The following LDB2 variants were observed in gnomAD, a reference collection of about 807,000 sequenced individuals.
LDB2 encodes LIM domain-binding protein 2.
In LDB2, 12 loss-of-function variants were observed where a neutral mutation model predicts 44.3. The ratio of observed to expected loss-of-function variants is 0.27; its 90% CI spans 0.17 to 0.44. LDB2 has a LOEUF of 0.44. Among genes scored for constraint, LDB2 ranks in the 20% least tolerant of loss-of-function variants. The pLI, the probability that LDB2 is intolerant of heterozygous loss-of-function variation, is 1.00. For missense variants in LDB2, 344 were observed against 473.5 expected, an observed-to-expected ratio of 0.73 and a Z score of 2.54; for synonymous variants, 164 against 174.8, an observed-to-expected ratio of 0.94 and a Z score of 0.49.
chr4:16,682,644 A>G lies in LDB2; in HGVS notation c.235+76514T>C, dbSNP rs549731813. 2.6e-5 allele frequency among the ~76,000 whole-genome samples: 4 copies of G among 152,306 alleles called. No homozygotes were observed. The East Asian group carries it at 7.7e-4, about 29-fold the overall frequency. On this transcript the variant is annotated intron_variant, in intron 2 of 7. Transcript: ENST00000304523. ...TTAATTTCAGAGCCCTGGTATGCTC[A>G]GCTTAGCACCTCCCTTCTTCGTTCC...
chr4:16,734,853 C>T (rs550286367), intron 2 of LDB2, among the ~76,000 whole-genome samples: 3 of 152,016 alleles, frequency 2.0e-5, no homozygotes, highest in East Asian at 1.9e-4. Flanking sequence ...GGACAACAGG[C>T]GCCCACCACC....
chr4:16,697,656 CTCT>C (rs1752491654), intron 2 of LDB2, among the ~76,000 whole-genome samples: 1 of 152,104 alleles, frequency 6.6e-6, no homozygotes. Flanking sequence ...TGCCTCAGCC[CTCT>C]TCTTCTAATC....
chr4:16,795,526 G>A (rs1260792637), intron 1 of LDB2, among the ~76,000 whole-genome samples: 1 of 152,120 alleles, frequency 6.6e-6, no homozygotes, highest in Non-Finnish European at 1.5e-5. Context: ...AAAGGAGAGA[G>A]ATACTTCCTT....
At chr4:16,734,910 T>C (rs948058427) in intron 2 of LDB2, among the ~76,000 whole-genome samples, 2 of 151,980 alleles carry the variant, frequency 1.3e-5, no homozygotes, top group Non-Finnish European at 2.9e-5. Flanking sequence ...GGTTTCACTA[T>C]GTTGGCCAGG....
chr4:16,766,499 T>G (rs1222059408), intron 1 of LDB2, among the ~76,000 whole-genome samples: 1 of 100,624 alleles, frequency 9.9e-6, no homozygotes, highest in African/African-American at 3.8e-5. Flanking sequence ...TGTGTGTGTG[T>G]GTGTGTATAT....
intron 1 of LDB2, among the ~76,000 whole-genome samples, chr4:16,888,213 C>G (rs1262915862): frequency 6.6e-6 from 1 of 152,168 alleles, no homozygotes; most frequent in Non-Finnish European, 1.5e-5. Flanking sequence ...TGTGTGCTCT[C>G]CAGCCCTCTC....
At chr4:16,503,341 C>G (rs73115973) in intron 7 of LDB2, among the ~76,000 whole-genome samples, 1 of 152,118 alleles carries the variant, frequency 6.6e-6, no homozygotes, top group Non-Finnish European at 1.5e-5. Flanking sequence ...CTGCAATATT[C>G]ACACAACTCA....
intron 5 of LDB2, among the ~76,000 whole-genome samples, chr4:16,557,092 C>G (rs1374182774): frequency 6.6e-6 from 1 of 152,120 alleles, no homozygotes; most frequent in Non-Finnish European, 1.5e-5. Flanking sequence ...TATAGGAGGA[C>G]AGCCAAGATG....
rs56188045 is a variant in LDB2 at position 16,739,714 on chromosome 4, G to A, written c.235+19444C>T. On this transcript the variant is annotated intron_variant, in intron 2 of 7. Transcript: ENST00000304523. ...TATATATACATATATGTGTATATAT[G>A]TATATATACATATATGTGTATATAC... Among the ~76,000 whole-genome samples the A allele has an allele frequency of 4.8e-4, 30 of 62,428 alleles. 3 individuals carry two copies. Among genetic ancestry groups the A allele is most frequent in the East Asian group, 1.4e-3 (2 of 1,432 alleles). 41.0% of individuals were successfully genotyped at this position (62,428 alleles called of 152,430 possible).
intron 1 of LDB2, among the ~76,000 whole-genome samples, chr4:16,871,225 GGT>G (rs1399169162): frequency 1.3e-5 from 2 of 152,158 alleles, no homozygotes; most frequent in Non-Finnish European, 2.9e-5. Context: ...ACTGTATAAT[GGT>G]GTGTGTCTTT....
chr4:16,505,242 T>C (rs1718888851), intron 7 of LDB2, among the ~76,000 whole-genome samples: 1 of 152,166 alleles, frequency 6.6e-6, no homozygotes, highest in South Asian at 2.1e-4. Context: ...AAAAGATGTC[T>C]AGGCATAGGT....
chr4:16,653,058 C>A (rs895722660), intron 2 of LDB2, among the ~76,000 whole-genome samples: 4 of 152,114 alleles, frequency 2.6e-5, no homozygotes, highest in African/African-American at 4.8e-5. Flanking sequence ...GGAGCTTGAG[C>A]CAAACAGTGT....
At position 16,571,451 on chromosome 4, in the gene LDB2, G is replaced by A. The variant is rs573641169; in HGVS notation, c.615+14471C>T. Among the ~76,000 whole-genome samples the A allele has an allele frequency of 3.5e-4, 45 of 129,758 alleles. No individual in the cohort carries two copies. In the South Asian group the frequency reaches 6.7e-3, roughly 19 times the overall value. The allele number at this position is 129,758 out of a possible 152,430, so 85.1% of individuals were successfully genotyped here. On this transcript the variant is annotated intron_variant, in intron 5 of 7. Transcript: ENST00000304523. The stretch of plus-strand genomic sequence containing the variant: ...GATCCATTGCATCTGTGGGCAATTC[G>A]GCAAAAAAAAAAAAGCCTGGTCATC...
intron 5 of LDB2, among the ~76,000 whole-genome samples, chr4:16,564,932 G>A (rs936027364): frequency 1.3e-5 from 2 of 152,164 alleles, no homozygotes; most frequent in Non-Finnish European, 2.9e-5. Flanking sequence ...ACTCAACACT[G>A]ACAATGACAT....
At chr4:16,837,664 A>T (rs1351269126) in intron 1 of LDB2, among the ~76,000 whole-genome samples, 1 of 152,252 alleles carries the variant, frequency 6.6e-6, no homozygotes, top group African/African-American at 2.4e-5. Flanking sequence ...AAACATGTGC[A>T]TAAGGCCACG....
At chr4:16,525,411 C>T (rs1028557322) in intron 5 of LDB2, among the ~76,000 whole-genome samples, 7 of 152,222 alleles carry the variant, frequency 4.6e-5, no homozygotes, top group Non-Finnish European at 7.3e-5. Context: ...CTCAGCTGCT[C>T]AATTGCTCCC....
At chr4:16,680,847 C>T (rs890198426) in intron 2 of LDB2, among the ~76,000 whole-genome samples, 2 of 152,166 alleles carry the variant, frequency 1.3e-5, no homozygotes, top group Non-Finnish European at 2.9e-5. Flanking sequence ...CTTAACTCTT[C>T]AGAATTAATT....
At chr4:16,800,328 C>T (rs1447269905) in intron 1 of LDB2, among the ~76,000 whole-genome samples, 2 of 152,114 alleles carry the variant, frequency 1.3e-5, no homozygotes, top group African/African-American at 4.8e-5. Flanking sequence ...TTGATTATTG[C>T]CCTGTGAACA....
intron 2 of LDB2, among the ~76,000 whole-genome samples, chr4:16,733,364 A>G (rs1043325551): frequency 6.8e-6 from 1 of 146,290 alleles, no homozygotes; most frequent in Admixed American, 6.9e-5. Context: ...AAAAAAAAAA[A>G]AAGTTGGGGG....
Sources: allele counts gnomAD v4.1 joint callset (sites outside exome capture counted in the v4.1 genomes callset), GRCh38; gene constraint gnomAD v4.1.1; transcripts MANE v1.5; gene names NCBI Gene and HGNC (gene_info 2026-07-23, HGNC 2026-07-21).